Variants in DCUN1D4 observed in about 807,000 individuals in gnomAD.
The protein encoded by DCUN1D4 is defective in cullin neddylation 1 domain containing 4, also known as DCN1-like protein 4.
A neutral mutation model predicts 47.9 loss-of-function variants in DCUN1D4; 22 were observed. That is an observed-to-expected ratio of 0.46 (90% CI 0.33 to 0.66). DCUN1D4 has a LOEUF of 0.66. Ranked by LOEUF, DCUN1D4 falls within the 30% of genes least tolerant of loss-of-function variation. The pLI is 0.02. For missense variants in DCUN1D4, 301 were observed against 340.8 expected (o/e 0.88, Z 0.92); for synonymous variants, 121 against 112.2 (o/e 1.08, Z -0.50).
At chr4:51,885,668 T>C (rs752771175) in intron 5 of DCUN1D4, among the ~76,000 whole-genome samples, 12 of 152,154 alleles carry the variant, frequency 7.9e-5, no homozygotes, top group Non-Finnish European at 1.5e-4. Flanking sequence ...ACCTTGAGTA[T>C]GGTTAAAATT....
At chr4:51,846,964 A>C (rs981919751) in intron 1 of DCUN1D4, among the ~76,000 whole-genome samples, 2 of 152,230 alleles carry the variant, frequency 1.3e-5, no homozygotes, top group African/African-American at 4.8e-5. Context: ...CTCCCTGTTA[A>C]CAGAGAAGTC....
chr4:51,907,430 G>C (rs1181675305), intron 8 of DCUN1D4, among the ~76,000 whole-genome samples: 1 of 152,166 alleles, frequency 6.6e-6, no homozygotes, highest in Non-Finnish European at 1.5e-5. Flanking sequence ...GGTTACTTAG[G>C]TTAGCTGGGT....
chr4:51,841,853 C>G (rs1721679316), upstream of DCUN1D4, among the ~76,000 whole-genome samples: 1 of 151,748 alleles, frequency 6.6e-6, no homozygotes, highest in African/African-American at 2.4e-5. Flanking sequence ...GTTCTGTTAC[C>G]TGTGATTTGT....
intron 6 of DCUN1D4, chr4:51,887,160 G>A (rs1560496091): frequency 4.5e-6 from 2 of 448,258 alleles, no homozygotes; most frequent in Non-Finnish European, 8.9e-6. Flanking sequence ...GAGTGCAATG[G>A]TATGATGTCG....
At chr4:51,851,196 C>T (rs1461049318) in intron 1 of DCUN1D4, among the ~76,000 whole-genome samples, 1 of 152,130 alleles carries the variant, frequency 6.6e-6, no homozygotes, top group South Asian at 2.1e-4. Context: ...GTGCTGCTGT[C>T]ACAGGCAGGA....
intron 1 of DCUN1D4, among the ~76,000 whole-genome samples, chr4:51,857,002 C>T (rs1471341801): frequency 6.6e-6 from 1 of 152,154 alleles, no homozygotes; most frequent in Non-Finnish European, 1.5e-5. Context: ...AGTTTAGGGA[C>T]CATGTTTTAT....
intron 7 of DCUN1D4, among the ~76,000 whole-genome samples, chr4:51,894,447 C>T (rs1345623132): frequency 1.4e-5 from 2 of 141,690 alleles, no homozygotes; most frequent in Non-Finnish European, 3.0e-5. Flanking sequence ...CAGTGATGTG[C>T]CAAGTGTAGT....
chr4:51,893,103 A>G (rs187737932), intron 7 of DCUN1D4, among the ~76,000 whole-genome samples: 5 of 152,350 alleles, frequency 3.3e-5, no homozygotes, highest in African/African-American at 1.2e-4. Context: ...AAATGAGGAG[A>G]CTGAGGCATA....
At chr4:51,911,910 G>A (rs1288828857) in intron 9 of DCUN1D4, among the ~76,000 whole-genome samples, 1 of 152,124 alleles carries the variant, frequency 6.6e-6, no homozygotes, top group Non-Finnish European at 1.5e-5. Flanking sequence ...TTGCTTGCAA[G>A]GATGAGGGTG....
At chr4:51,850,736 A>G (rs1723242059) in intron 1 of DCUN1D4, among the ~76,000 whole-genome samples, 1 of 152,058 alleles carries the variant, frequency 6.6e-6, no homozygotes, top group South Asian at 2.1e-4. Context: ...GAAGGGGTGC[A>G]TGCAGGCACC....
upstream of DCUN1D4, among the ~76,000 whole-genome samples, chr4:51,839,773 A>G (rs1038281297): frequency 1.3e-5 from 2 of 152,156 alleles, no homozygotes; most frequent in African/African-American, 2.4e-5. Context: ...TGCAGGCCCA[A>G]CTTATTTTCA....
chr4:51,834,327 G>C, the DCUN1D4 span, among the ~76,000 whole-genome samples: 1 of 151,438 alleles, frequency 6.6e-6, no homozygotes, highest in African/African-American at 2.4e-5. Context: ...TTCCCTTGGG[G>C]TCTATACTTC....
chr4:51,839,328 T>C (rs1276792430), upstream of DCUN1D4, among the ~76,000 whole-genome samples: 1 of 152,172 alleles, frequency 6.6e-6, no homozygotes, highest in African/African-American at 2.4e-5. Context: ...GCACGTTTAC[T>C]TATTAGCTGG....
the DCUN1D4 span, among the ~76,000 whole-genome samples, chr4:51,834,395 A>G: frequency 2.1e-4 from 32 of 151,614 alleles, 2 homozygotes; most frequent in East Asian, 1.4e-3. Flanking sequence ...ACAAACTGAG[A>G]GTGCTTCAGG....
upstream of DCUN1D4, among the ~76,000 whole-genome samples, chr4:51,839,163 G>GA (rs1721567893): frequency 6.9e-6 from 1 of 145,344 alleles, no homozygotes; most frequent in Non-Finnish European, 1.5e-5. Context: ...AGGAAGGAAG[G>GA]AGAAGGAAGG....
chr4:51,873,184 C>G (rs149958219), intron 3 of DCUN1D4, among the ~76,000 whole-genome samples: 4 of 152,290 alleles, frequency 2.6e-5, no homozygotes, highest in African/African-American at 9.6e-5. Context: ...GGGCCTTCAA[C>G]CAAGGGCTTG....
At chr4:51,900,309 A>G (rs540372070) in intron 8 of DCUN1D4, among the ~76,000 whole-genome samples, 11 of 152,252 alleles carry the variant, frequency 7.2e-5, no homozygotes, top group Non-Finnish European at 1.2e-4. Flanking sequence ...GCCCTCATTC[A>G]TGCATTTTCC....
chr4:51,834,055 TCTCTCTC>T, the DCUN1D4 span, among the ~76,000 whole-genome samples: 1 of 132,990 alleles, frequency 7.5e-6, no homozygotes, highest in African/African-American at 3.2e-5. Flanking sequence ...TCTCTCTCTC[TCTCTCTC>T]TCTCTCTCTC....
chr4:51,864,202 T>C (rs1202829255), intron 3 of DCUN1D4, among the ~76,000 whole-genome samples: 1 of 152,176 alleles, frequency 6.6e-6, no homozygotes, highest in Non-Finnish European at 1.5e-5. Context: ...GGGAAGGCCT[T>C]GTTTAAAGTA....
Sources: gnomAD v4.1 joint callset for allele counts (sites outside exome capture counted in the v4.1 genomes callset) on GRCh38, gnomAD v4.1.1 for gene constraint, MANE v1.5 for transcripts, NCBI Gene and HGNC (gene_info 2026-07-23, HGNC 2026-07-21) for gene names.